The following APBB1IP variants were observed in gnomAD, a reference collection of about 807,000 sequenced individuals.
APBB1IP encodes amyloid beta A4 precursor protein-binding family B member 1-interacting protein.
Under a neutral mutation model 64.9 loss-of-function variants are expected in APBB1IP, and 27 were observed. That is an observed-to-expected ratio of 0.42 (90% confidence interval 0.31 to 0.57). APBB1IP has a LOEUF of 0.57. Ranked by LOEUF, APBB1IP falls within the 20% of genes least tolerant of loss-of-function variation. APBB1IP has a pLI of 0.20. For synonymous variants in APBB1IP, 392 were observed against 331.0 expected (o/e 1.18, Z -2.00); for missense variants, 812 against 845.5 (o/e 0.96, Z 0.49).
At chr10:26,533,925 A>C (rs10829019) in intron 9 of APBB1IP, among the ~76,000 whole-genome samples, 1 of 151,912 alleles carries the variant, frequency 6.6e-6, no homozygotes, top group Non-Finnish European at 1.5e-5. Flanking sequence ...GACCCGTTAC[A>C]GGAGGCGGCT....
At chr10:26,530,026 T>C (rs1836528893) in intron 8 of APBB1IP, among the ~76,000 whole-genome samples, 2 of 152,214 alleles carry the variant, frequency 1.3e-5, no homozygotes, top group Middle Eastern at 6.3e-3. Flanking sequence ...CAAGGTTTGC[T>C]TTCTAGCAGC....
intron 11 of APBB1IP, among the ~76,000 whole-genome samples, chr10:26,558,283 C>T (rs1836919656): frequency 1.3e-5 from 2 of 152,242 alleles, no homozygotes; most frequent in South Asian, 4.1e-4. Flanking sequence ...TGTTTGGTTG[C>T]CGGCCCCTCG....
intron 2 of APBB1IP, among the ~76,000 whole-genome samples, chr10:26,486,491 T>C (rs1363202913): frequency 6.6e-6 from 1 of 152,068 alleles, no homozygotes; most frequent in African/African-American, 2.4e-5. Flanking sequence ...TTAAGGCGCA[T>C]GGGAAGAGAA....
At chr10:26,523,827 A>G (rs1047825139) in intron 8 of APBB1IP, among the ~76,000 whole-genome samples, 1 of 151,968 alleles carries the variant, frequency 6.6e-6, no homozygotes, top group African/African-American at 2.4e-5. Flanking sequence ...ATATAAATAA[A>G]TTTCTTAAAA....
intron 3 of APBB1IP, among the ~76,000 whole-genome samples, chr10:26,494,019 A>G (rs970342910): frequency 6.6e-6 from 1 of 151,746 alleles, no homozygotes; most frequent in Non-Finnish European, 1.5e-5. Context: ...TTTTTCTTTT[A>G]TAGAGACGAG....
Position 26,491,653 on chromosome 10 carries a change from C to A in APBB1IP, c.1-674C>A, listed in dbSNP as rs140532232. On this transcript the variant is annotated intron_variant, in intron 2 of 14. Transcript: ENST00000376236. ...AGTTCTAAGGGTTTGTCCACCAGTACTTCTAAATAAATGTACTAAAAACTA... is the reference window on the plus strand; with the variant it reads ...AGTTCTAAGGGTTTGTCCACCAGTAATTCTAAATAAATGTACTAAAAACTA... 3.3e-5 allele frequency among the ~76,000 whole-genome samples: 5 copies of A among 152,062 alleles called. No homozygotes were observed. The East Asian group carries it at 7.7e-4, about 23-fold the overall frequency.
intron 9 of APBB1IP, 59 bp downstream of exon 9, chr10:26,533,584 C>A: frequency 8.7e-7 from 1 of 1,148,884 alleles, no homozygotes; most frequent in South Asian, 1.8e-5. Context: ...ATTTTTAAGT[C>A]ATTTGCTTCC....
intron 10 of APBB1IP, among the ~76,000 whole-genome samples, chr10:26,537,356 C>A (rs1836638399): frequency 6.6e-6 from 1 of 152,122 alleles, no homozygotes; most frequent in African/African-American, 2.4e-5. Flanking sequence ...TCTGCTACCT[C>A]CAGTAAGGAG....
chr10:26,475,124 CTTT>C (rs757288624), intron 2 of APBB1IP, among the ~76,000 whole-genome samples: 6 of 138,144 alleles, frequency 4.3e-5, no homozygotes, highest in Non-Finnish European at 4.8e-5. Context: ...TTTTTCTTTT[CTTT>C]TTTTTTTTTT....
intron 2 of APBB1IP, among the ~76,000 whole-genome samples, chr10:26,483,034 G>C (rs1835853616): frequency 7.4e-6 from 1 of 135,682 alleles, no homozygotes; most frequent in African/African-American, 2.7e-5. Context: ...AGGTTGCAGT[G>C]AGCCGAGATC....
intron 2 of APBB1IP, among the ~76,000 whole-genome samples, chr10:26,485,015 G>A (rs1440310960): frequency 3.9e-5 from 6 of 152,160 alleles, no homozygotes; most frequent in African/African-American, 1.4e-4. Flanking sequence ...GCCTCAAGTT[G>A]CATGGTAGTT....
At chr10:26,452,913 A>G (rs1175769018) in intron 2 of APBB1IP, among the ~76,000 whole-genome samples, 1 of 125,856 alleles carries the variant, frequency 7.9e-6, no homozygotes, top group Non-Finnish European at 1.7e-5. Context: ...CAGTATTTGA[A>G]TTTCTGTTTC....
chr10:26,449,064 G>C (rs1226754906), intron 2 of APBB1IP, among the ~76,000 whole-genome samples: 1 of 152,168 alleles, frequency 6.6e-6, no homozygotes, highest in East Asian at 1.9e-4. Flanking sequence ...GAGATGCGTA[G>C]GATATGACTC....
intron 2 of APBB1IP, among the ~76,000 whole-genome samples, chr10:26,492,006 C>T (rs1206585471): frequency 2.0e-5 from 3 of 152,128 alleles, no homozygotes; most frequent in South Asian, 4.1e-4. Context: ...AGGTGATCTG[C>T]CTGTCTCGGC....
chr10:26,452,157 A>G (rs370317787), intron 2 of APBB1IP, among the ~76,000 whole-genome samples: 5,891 of 152,036 alleles, frequency 0.039, 348 homozygotes, highest in African/African-American at 0.13. Flanking sequence ...TAGACAAAAA[A>G]AAGTGTGTTT....
chr10:26,524,959 T>TC lies in APBB1IP; in HGVS notation c.814-8480_814-8479insC, dbSNP rs1231145523. ...TTTCTTTCTCTTTCTTTCTTTCTTTTTTTTTTTTTTTTTTTATAAAAAAAG... is the reference window on the plus strand; with the variant it reads ...TTTCTTTCTCTTTCTTTCTTTCTTTTCTTTTTTTTTTTTTTTATAAAAAAAG... On this transcript the variant is annotated intron_variant, in intron 8 of 14. Coordinates refer to ENST00000376236, the MANE Select transcript of APBB1IP (RefSeq NM_019043.4). 1.4e-4 allele frequency among the ~76,000 whole-genome samples: 14 copies of TC among 98,436 alleles called. No homozygotes were observed. The East Asian group carries it at 2.9e-3, about 21-fold the overall frequency. 64.6% of individuals were successfully genotyped at this position (98,436 alleles called of 152,430 possible). A position where few individuals can be genotyped will look rare whatever the true frequency, so the allele number is the denominator to read the frequency against.
rs71521689 is a variant in APBB1IP, at chr10:26,536,222, G to GAAA, written c.1044+19_1044+21dup. On this transcript the variant is annotated splice_donor_region_variant and intron_variant, in intron 10 of 14. Transcript: ENST00000376236. Reference sequence around the variant, plus strand: ...GTACCCAAAGGAAAGACTAAGGTCAGAAAAAAAAAAAAAAAAGCACTTAGC... The same window carrying GAAA: ...GTACCCAAAGGAAAGACTAAGGTCAGAAAAAAAAAAAAAAAAAAAGCACTTAGC... 136 of 1,353,386 alleles carry GAAA rather than the reference G, an allele frequency of 1.0e-4. No homozygotes were observed. The highest frequency in any genetic ancestry group is 4.9e-4 in the South Asian group (32 of 65,100). The allele number at this position is 1,353,386 out of a possible 1,614,324, so 83.8% of individuals were successfully genotyped here.
intron 2 of APBB1IP, among the ~76,000 whole-genome samples, chr10:26,460,957 A>AT (rs1057379318): frequency 6.6e-6 from 1 of 152,140 alleles, no homozygotes; most frequent in Non-Finnish European, 1.5e-5. Context: ...CATGTTGCTA[A>AT]TTTCCACCTC....
chr10:26,454,641 C>A (rs905608508), intron 2 of APBB1IP, among the ~76,000 whole-genome samples: 3 of 151,900 alleles, frequency 2.0e-5, no homozygotes, highest in African/African-American at 7.3e-5. Context: ...ATGAATAAGA[C>A]CTAGTATTTG....
Sources: gnomAD v4.1 joint callset for allele counts (sites outside exome capture counted in the v4.1 genomes callset) on GRCh38, gnomAD v4.1.1 for gene constraint, MANE v1.5 for transcripts, NCBI Gene and HGNC (gene_info 2026-07-23, HGNC 2026-07-21) for gene names.